The following HIGD2B variants were observed in gnomAD, a reference collection of about 807,000 sequenced individuals.
The protein encoded by HIGD2B is HIG1 domain family member 2B.
For missense variants in HIGD2B, 106 were observed against 67.0 expected, an observed-to-expected ratio of 1.58 and a Z score of -2.03; for synonymous variants, 45 against 28.1, an observed-to-expected ratio of 1.60 and a Z score of -1.90.
rs753524174 is a variant in HIGD2B at position 72,676,075 on chromosome 15, G to A, written c.300C>T (p.Thr100=). The A allele has an allele frequency of 1.1e-4, 85 of 760,748 alleles. No individual in the cohort carries two copies. The highest frequency in any genetic ancestry group is 4.9e-5 in the East Asian group (2 of 40,924). 47.1% of individuals were successfully genotyped at this position (760,748 alleles called of 1,614,324 possible). A position where few individuals can be genotyped will look rare whatever the true frequency, so the allele number is the denominator to read the frequency against. Residue 100 remains threonine (T), a synonymous_variant, in exon 3 of 3, where the codon ACC becomes ACT. Transcript: ENST00000311755. ...GGGCTCAGGGTGGAGACTTCATAGC[G>A]GTGGCAGCTAGACCCAGCAAGATGG... ...IAAILLGLAA[T]AMKSPP
At chr15:72,683,422 T>C (rs1173369907) in intron 1 of HIGD2B, among the ~76,000 whole-genome samples, 1 of 142,002 alleles carries the variant, frequency 7.0e-6, no homozygotes, top group East Asian at 2.1e-4. Flanking sequence ...GCAGAAGATA[T>C]TAGCTTCAAT....
In HIGD2B at chr15:72,676,329, A is replaced by C. The variant is rs535486861; in HGVS notation, c.46T>G (p.Ser16Ala). The C allele has an allele frequency of 1.3e-6, 1 of 761,282 alleles. No individual in the cohort carries two copies. The highest frequency in any genetic ancestry group is 2.4e-6 in the Non-Finnish European group (1 of 415,070). 47.2% of individuals were successfully genotyped at this position (761,282 alleles called of 1,614,324 possible). A position where few individuals can be genotyped will look rare whatever the true frequency, so the allele number is the denominator to read the frequency against. Residue 16 changes from serine (S) to alanine (A), a missense_variant, in exon 3 of 3, where the codon TCG (serine) becomes GCG (alanine). Transcript: ENST00000311755. ...FVTPEAPFESSKPPIFEGLSP... is the reference protein window; with the variant it reads ...FVTPEAPFESAKPPIFEGLSP... ...AGCCCCTCAAAGATGGGGGGCTTCG[A>C]TGATTCAAAGGGGGCCTCCGGAGTC...
rs1487572694 is a variant in HIGD2B, at chr15:72,676,093, C to G, written c.282G>C (p.Leu94Phe). 3 of 764,728 alleles carry G rather than the reference C, an allele frequency of 3.9e-6. No homozygotes were observed. Among genetic ancestry groups the G allele is most frequent in the African/African-American group, 1.7e-5 (1 of 58,920 alleles). The allele number at this position is 764,728 out of a possible 1,614,324, so 47.4% of individuals were successfully genotyped here. A position where few individuals can be genotyped will look rare whatever the true frequency, so the allele number is the denominator to read the frequency against. ...AAQGFTIAAI[L>F]LGLAATAMKS... is the part of the protein sequence containing the mutation. ...TCATAGCGGTGGCAGCTAGACCCAG[C>G]AAGATGGCTGCAATGGTGAAGCCCT... Residue 94 changes from leucine to phenylalanine, a missense_variant, in exon 3 of 3, where the codon TTG becomes TTC. Transcript: ENST00000311755.
chr15:72,683,269 T>C (rs569312719), intron 1 of HIGD2B, among the ~76,000 whole-genome samples: 2 of 152,308 alleles, frequency 1.3e-5, no homozygotes, highest in South Asian at 2.1e-4. Flanking sequence ...TAGAGGAGTG[T>C]TGGGGATTCC....
intron 1 of HIGD2B, among the ~76,000 whole-genome samples, chr15:72,680,866 G>C (rs1045360883): frequency 4.6e-5 from 7 of 151,894 alleles, no homozygotes; most frequent in African/African-American, 1.7e-4. Context: ...CTGGGTGACA[G>C]AGTGAAATTC....
At chr15:72,676,803 A>G (rs2064697494) in intron 2 of HIGD2B, among the ~76,000 whole-genome samples, 1 of 152,178 alleles carries the variant, frequency 6.6e-6, no homozygotes, top group African/African-American at 2.4e-5. Flanking sequence ...TGCAGGGGTT[A>G]GGAATGGGGA....
rs563647323 is a variant in HIGD2B, at chr15:72,681,607, T to G, written c.-192-1414A>C. Among the ~76,000 whole-genome samples the G allele has an allele frequency of 1.1e-4, 17 of 151,096 alleles. No homozygotes were observed. In the South Asian group the frequency reaches 1.5e-3, roughly 13 times the overall value. ...TGTTACCTTGAACCAAAATTTTTTT[T>G]TTTTTTTTTTTTTTGAGGCAAAGTC... On this transcript the variant is annotated intron_variant, in intron 1 of 2. Transcript: ENST00000311755.
At position 72,686,090 on chromosome 15, in the gene HIGD2B, C is replaced by T; in HGVS notation, c.-465G>A. On this transcript the variant is annotated 5_prime_UTR_variant, in exon 1 of 3. Coordinates refer to ENST00000311755, the MANE Select transcript of HIGD2B (RefSeq NM_001350932.3). Reference sequence around the variant, plus strand: ...TCTGTGGAGCAGACCCTAATCCTCCCCCTGATTCCTTAGGTCACTCGGCGA... The same window carrying T: ...TCTGTGGAGCAGACCCTAATCCTCCTCCTGATTCCTTAGGTCACTCGGCGA... 2.2e-6 allele frequency: 2 copies of T among 902,972 alleles called. No individual in the cohort carries two copies. The highest frequency in any genetic ancestry group is 1.4e-5 in the South Asian group (1 of 70,290). The allele number at this position is 902,972 out of a possible 1,614,324, so 55.9% of individuals were successfully genotyped here.
intron 1 of HIGD2B, among the ~76,000 whole-genome samples, chr15:72,683,438 CTTTT>C (rs11329719): frequency 1.1e-4 from 14 of 125,020 alleles, no homozygotes; most frequent in Admixed American, 1.6e-4. Flanking sequence ...TCAATTCCTC[CTTTT>C]TTTTTTTTTT....
At chr15:72,677,949 G>C (rs2064710399) in intron 2 of HIGD2B, among the ~76,000 whole-genome samples, 3 of 151,936 alleles carry the variant, frequency 2.0e-5, no homozygotes, top group Non-Finnish European at 4.4e-5. Flanking sequence ...TGCTCTGATT[G>C]ACTTCTTTCT....
intron 2 of HIGD2B, among the ~76,000 whole-genome samples, chr15:72,677,756 G>C (rs939214642): frequency 2.2e-5 from 3 of 138,522 alleles, no homozygotes; most frequent in Non-Finnish European, 4.8e-5. Flanking sequence ...GGGCAAGACT[G>C]TATCTCTAAA....
chr15:72,677,474 T>C (rs766373992), intron 2 of HIGD2B, among the ~76,000 whole-genome samples: 20 of 146,164 alleles, frequency 1.4e-4, no homozygotes, highest in Non-Finnish European at 2.8e-4. Context: ...AAATAGGGGG[T>C]CTGGTAGGTG....
intron 1 of HIGD2B, among the ~76,000 whole-genome samples, chr15:72,684,137 C>G (rs2064778441): frequency 6.6e-6 from 1 of 151,980 alleles, no homozygotes; most frequent in South Asian, 2.1e-4. Context: ...AATGCACAAA[C>G]AAAGCAAGGA....
intron 2 of HIGD2B, among the ~76,000 whole-genome samples, chr15:72,679,079 GAA>G (rs2064722148): frequency 6.6e-6 from 1 of 151,524 alleles, no homozygotes; most frequent in Non-Finnish European, 1.5e-5. Context: ...AAGAAGGAAA[GAA>G]AGAGGGCAGC....
intron 1 of HIGD2B, among the ~76,000 whole-genome samples, chr15:72,684,245 TTAAA>T (rs1237650835): frequency 1.4e-4 from 21 of 152,306 alleles, no homozygotes; most frequent in Admixed American, 1.2e-3. Flanking sequence ...TTTGGGGAGT[TTAAA>T]TAACCCCAGA....
At position 72,676,279 on chromosome 15, in the gene HIGD2B, T is replaced by C. The variant is rs1444520393; in HGVS notation, c.96A>G (p.Pro32=). ...EGLSPTVYSN[P]EGFKEKFLRK... ...GAAGGAACTTTTCCTTGAAACCCTC[T>C]GGATTGCTGTAAACAGTGGGGCTAA... Residue 32 remains proline (P), a synonymous_variant, in exon 3 of 3, where the codon CCA becomes CCG. Coordinates refer to ENST00000311755, the MANE Select transcript of HIGD2B (RefSeq NM_001350932.3). 1.3e-6 allele frequency: 1 copy of C among 766,116 alleles called. No homozygotes were observed. The highest frequency in any genetic ancestry group is 1.7e-5 in the Admixed American group (1 of 58,630). 47.5% of individuals were successfully genotyped at this position (766,116 alleles called of 1,614,324 possible). A position where few individuals can be genotyped will look rare whatever the true frequency, so the allele number is the denominator to read the frequency against.
intron 1 of HIGD2B, among the ~76,000 whole-genome samples, chr15:72,684,442 A>G (rs767167904): frequency 9.9e-5 from 15 of 152,130 alleles, no homozygotes; most frequent in Non-Finnish European, 1.6e-4. Context: ...ACTTGAGCCT[A>G]GGAGTTCAAG....
intron 1 of HIGD2B, among the ~76,000 whole-genome samples, chr15:72,683,610 T>A (rs1273623462): frequency 1.3e-5 from 2 of 152,054 alleles, no homozygotes. Flanking sequence ...GGAGGCCAAG[T>A]TGGCTGGATT....
chr15:72,678,442 T>C (rs974829123), intron 2 of HIGD2B, among the ~76,000 whole-genome samples: 1 of 151,794 alleles, frequency 6.6e-6, no homozygotes, highest in East Asian at 1.9e-4. Flanking sequence ...AATGCAGGAG[T>C]GTGCCACCAT....
Sources: allele counts gnomAD v4.1 joint callset (sites outside exome capture counted in the v4.1 genomes callset), GRCh38; gene constraint gnomAD v4.1.1; transcripts MANE v1.5; gene names NCBI Gene and HGNC (gene_info 2026-07-23, HGNC 2026-07-21).